Variants in MAGI1 observed in about 807,000 individuals in gnomAD.
MAGI1 encodes the protein membrane associated guanylate kinase, WW and PDZ domain containing 1.
Under a neutral mutation model 139.9 loss-of-function variants are expected in MAGI1, and 58 were observed. The observed-to-expected ratio is 0.41, with a 90% CI of 0.34 to 0.52. The LOEUF is 0.52. MAGI1 is among the 20% of genes least tolerant of loss of function. The pLI is 0.12. For missense variants in MAGI1, 1,874 were observed against 1,901.6 expected (o/e 0.99, Z 0.27); for synonymous variants, 812 against 737.9 (o/e 1.10, Z -1.63).
At chr3:65,554,138 T>C (rs1369671543) in intron 2 of MAGI1, among the ~76,000 whole-genome samples, 1 of 152,138 alleles carries the variant, frequency 6.6e-6, no homozygotes, top group Non-Finnish European at 1.5e-5. Flanking sequence ...GTAAGTTTTG[T>C]TTCACTCCCC....
At chr3:65,546,819 A>G (rs1400829243) in intron 2 of MAGI1, among the ~76,000 whole-genome samples, 1 of 152,198 alleles carries the variant, frequency 6.6e-6, no homozygotes, top group Non-Finnish European at 1.5e-5. Flanking sequence ...TAACCCTTAA[A>G]AAAAAGTCAA....
chr3:65,943,146 C>T (rs1300640437), intron 1 of MAGI1, among the ~76,000 whole-genome samples: 1 of 152,232 alleles, frequency 6.6e-6, no homozygotes, highest in Non-Finnish European at 1.5e-5. Flanking sequence ...ATAATGTTTA[C>T]AGTTGCATTC....
At chr3:65,917,875 C>T (rs1414137160) in intron 1 of MAGI1, among the ~76,000 whole-genome samples, 1 of 152,042 alleles carries the variant, frequency 6.6e-6, no homozygotes, top group African/African-American at 2.4e-5. Flanking sequence ...TTTGTTCAAC[C>T]CTATAAAATG....
chr3:65,605,625 T>C (rs1412244932), intron 2 of MAGI1, among the ~76,000 whole-genome samples: 3 of 152,252 alleles, frequency 2.0e-5, no homozygotes, highest in East Asian at 3.9e-4. Flanking sequence ...GACCTACTTT[T>C]AAAGCATGCT....
intron 14 of MAGI1, among the ~76,000 whole-genome samples, chr3:65,390,627 C>G (rs755752457): frequency 2.0e-5 from 3 of 152,160 alleles, no homozygotes; most frequent in Non-Finnish European, 4.4e-5. Context: ...GTAATTAAAG[C>G]ACAACCACTC....
At chr3:65,743,053 CTT>C (rs764811049) in intron 1 of MAGI1, among the ~76,000 whole-genome samples, 2 of 152,128 alleles carry the variant, frequency 1.3e-5, no homozygotes, top group Non-Finnish European at 2.9e-5. Flanking sequence ...CCCTACATGA[CTT>C]CTCTCTACAA....
chr3:65,814,980 G>A (rs1575591517), intron 1 of MAGI1, among the ~76,000 whole-genome samples: 1 of 152,162 alleles, frequency 6.6e-6, no homozygotes, highest in Non-Finnish European at 1.5e-5. Flanking sequence ...CTGCATTTTA[G>A]TTTTGATTTG....
chr3:65,949,765 A>G (rs941876382), intron 1 of MAGI1, among the ~76,000 whole-genome samples: 4 of 152,194 alleles, frequency 2.6e-5, no homozygotes, highest in Non-Finnish European at 2.9e-5. Context: ...TTTTACTTTT[A>G]TATCTTGGCT....
In MAGI1 at chr3:65,484,060, T is replaced by C. The variant is rs560766209; in HGVS notation, c.551-5262A>G. On this transcript the variant is annotated intron_variant, in intron 3 of 22. Transcript: ENST00000402939. ...AGGCATGGGAAATACAAAGTAAAAA[T>C]TGGACTGAAACACGATCTTCACAAC... 3.4e-4 allele frequency among the ~76,000 whole-genome samples: 52 copies of C among 152,226 alleles called. 2 individuals carry two copies. Among genetic ancestry groups the C allele is most frequent in the East Asian group, 3.9e-4 (2 of 5,180 alleles).
chr3:65,903,962 C>T lies in MAGI1; in HGVS notation c.313+134034G>A, dbSNP rs546890239. On this transcript the variant is annotated intron_variant, in intron 1 of 22. Transcript: ENST00000402939. ...GGTGGAGGTTGCAGTGAGCCGAGAT[C>T]GTGCCACTGCATTCCAGCCTGGGTG... is the stretch of plus-strand genomic sequence containing the variant. Among the ~76,000 whole-genome samples the T allele has an allele frequency of 3.3e-5, 5 of 151,630 alleles. No individual in the cohort carries two copies. In the East Asian group the frequency reaches 5.8e-4, roughly 18 times the overall value.
intron 1 of MAGI1, among the ~76,000 whole-genome samples, chr3:65,701,587 T>C (rs1559801294): frequency 6.6e-6 from 1 of 152,092 alleles, no homozygotes; most frequent in Non-Finnish European, 1.5e-5. Flanking sequence ...CACTTTTCTT[T>C]TTTTTTTCCT....
intron 1 of MAGI1, among the ~76,000 whole-genome samples, chr3:65,833,321 A>C (rs1232813643): frequency 1.3e-5 from 2 of 151,904 alleles, no homozygotes; most frequent in Non-Finnish European, 2.9e-5. Context: ...GTTTCACCAT[A>C]TTGGCCAGGC....
Position 65,692,376 on chromosome 3 carries a change from G to A in MAGI1, c.314-70288C>T, listed in dbSNP as rs935112412. On this transcript the variant is annotated intron_variant, in intron 1 of 22. Coordinates refer to ENST00000402939, the MANE Select transcript of MAGI1 (RefSeq NM_001033057.2). The stretch of plus-strand genomic sequence containing the variant: ...GTTAAGAACTATACTAGGTGATGGG[G>A]ACAGAGCCTCCCCTCATGTTATGGG... Among the ~76,000 whole-genome samples, 4 of 152,136 alleles carry A rather than the reference G, an allele frequency of 2.6e-5. No individual in the cohort carries two copies. The South Asian group carries it at 8.3e-4, about 32-fold the overall frequency.
chr3:65,620,097 C>T (rs573393124), intron 2 of MAGI1: 3 of 485,666 alleles, frequency 6.2e-6, no homozygotes, highest in South Asian at 8.8e-5. Context: ...GGAGAGCATG[C>T]CAAAATGTAA....
At chr3:65,391,852 ATTCTT>A (rs1339257335) in intron 13 of MAGI1, among the ~76,000 whole-genome samples, 1 of 152,122 alleles carries the variant, frequency 6.6e-6, no homozygotes, top group Non-Finnish European at 1.5e-5. Flanking sequence ...TTTGCTATCC[ATTCTT>A]TTCGACTATT....
chr3:65,766,308 C>T (rs2037469281), intron 1 of MAGI1, among the ~76,000 whole-genome samples: 1 of 152,158 alleles, frequency 6.6e-6, no homozygotes, highest in South Asian at 2.1e-4. Flanking sequence ...AGTCCCAATT[C>T]CTGGCCTGGT....
chr3:65,770,055 C>A (rs1441923763), intron 1 of MAGI1, among the ~76,000 whole-genome samples: 3 of 152,174 alleles, frequency 2.0e-5, no homozygotes, highest in African/African-American at 7.2e-5. Flanking sequence ...GCTATTACTG[C>A]TCTCATGAAC....
intron 7 of MAGI1, among the ~76,000 whole-genome samples, chr3:65,447,201 T>A (rs973889424): frequency 1.1e-4 from 16 of 152,340 alleles, no homozygotes; most frequent in African/African-American, 3.4e-4. Context: ...AAACTTATGC[T>A]TTCCTATGTA....
intron 1 of MAGI1, among the ~76,000 whole-genome samples, chr3:65,929,832 A>G (rs947106970): frequency 1.3e-5 from 2 of 152,110 alleles, no homozygotes; most frequent in East Asian, 1.9e-4. Flanking sequence ...GAGTTACACC[A>G]AAGGCCTGTG....
Sources: allele counts gnomAD v4.1 joint callset (sites outside exome capture counted in the v4.1 genomes callset), GRCh38; gene constraint gnomAD v4.1.1; transcripts MANE v1.5; gene names NCBI Gene and HGNC (gene_info 2026-07-23, HGNC 2026-07-21).